The following CTNND1 variants were observed in gnomAD, a reference collection of about 807,000 sequenced individuals.
CTNND1 encodes the protein catenin delta-1.
Under a neutral mutation model 112.1 loss-of-function variants are expected in CTNND1, and 16 were observed. That is an observed-to-expected ratio of 0.14 (90% CI 0.10 to 0.22). The LOEUF (loss-of-function observed/expected upper bound fraction) is 0.22, where lower values mean the gene tolerates loss of function less well. Among genes scored for constraint, CTNND1 ranks in the 10% least tolerant of loss-of-function variants. The pLI is 1.00. For synonymous variants in CTNND1, 420 were observed against 446.5 expected, an observed-to-expected ratio of 0.94 and a Z score of 0.75; for missense variants, 1,008 against 1,257.0, an observed-to-expected ratio of 0.80 and a Z score of 3.00.
intron 16 of CTNND1, among the ~76,000 whole-genome samples, chr11:57,811,040 AGGTATC>A: frequency 6.6e-6 from 1 of 152,162 alleles, no homozygotes; most frequent in South Asian, 2.1e-4. Context: ...GACACAGCTC[AGGTATC>A]CCTCTATGTC....
At chr11:57,762,673 G>A (rs976107133) in intron 1 of CTNND1, among the ~76,000 whole-genome samples, 2 of 152,122 alleles carry the variant, frequency 1.3e-5, no homozygotes, top group Non-Finnish European at 2.9e-5. Flanking sequence ...TCCAGGTGCG[G>A]TGGGTGGGAG....
At chr11:57,772,103 T>C (rs1022687102) in intron 1 of CTNND1, among the ~76,000 whole-genome samples, 1 of 150,992 alleles carries the variant, frequency 6.6e-6, no homozygotes, top group African/African-American at 2.4e-5. Context: ...TGTATTTTTT[T>C]TTTTTTTTTG....
At chr11:57,785,835 C>T (rs1206021670) in intron 1 of CTNND1, among the ~76,000 whole-genome samples, 16 of 152,036 alleles carry the variant, frequency 1.1e-4, no homozygotes, top group Non-Finnish European at 2.9e-5. Flanking sequence ...GCTTGAGCCA[C>T]CACGCCCGGC....
intron 1 of CTNND1, among the ~76,000 whole-genome samples, chr11:57,778,923 G>A (rs1238466934): frequency 6.6e-6 from 1 of 152,328 alleles, no homozygotes; most frequent in East Asian, 1.9e-4. Flanking sequence ...TAGCTACTCC[G>A]AGGGATTAGA....
chr11:57,781,180 AC>A (rs1321892515), intron 1 of CTNND1, among the ~76,000 whole-genome samples: 5 of 151,638 alleles, frequency 3.3e-5, no homozygotes, highest in African/African-American at 1.2e-4. Flanking sequence ...CTGGTGATCC[AC>A]CCGCCTCAGC....
At chr11:57,787,089 G>T (rs1024180275) in intron 1 of CTNND1, among the ~76,000 whole-genome samples, 1 of 152,188 alleles carries the variant, frequency 6.6e-6, no homozygotes, top group Non-Finnish European at 1.5e-5. Context: ...CTTCCTTAGG[G>T]TTGTTGTAAG....
At chr11:57,790,552 GT>G (rs150149378) in intron 2 of CTNND1, among the ~76,000 whole-genome samples, 6,837 of 59,698 alleles carry the variant, frequency 0.11, 115 homozygotes, top group Non-Finnish European at 0.14. Flanking sequence ...CTGTGTGTGT[GT>G]TTTTTTTTTT....
rs765812783 is a variant in CTNND1, at chr11:57,801,813, G to T, written c.1037G>T (p.Ser346Ile). 1 of 1,614,014 alleles carries T rather than the reference G, an allele frequency of 6.2e-7. No homozygotes were observed. The highest frequency in any genetic ancestry group is 1.1e-5 in the South Asian group (1 of 91,090). ...CCTTTGGCCCAGCATGAGCGAGGAA[G>T]TTTAGCAAGCTTGGATAGCCTGCGC... ...WAPLAQHERG[S>I]LASLDSLRKG... Residue 346 changes from serine to isoleucine, a missense_variant, in exon 7 of 21, where the codon AGT (serine) becomes ATT (isoleucine). By Grantham distance (142) the Ser-to-Ile change is moderately radical. Transcript: ENST00000399050.
intron 3 of CTNND1, among the ~76,000 whole-genome samples, chr11:57,792,153 G>A (rs2060817085): frequency 6.6e-6 from 1 of 152,142 alleles, no homozygotes; most frequent in Admixed American, 6.6e-5. Context: ...TATTGTCCTT[G>A]TGTGCTCTTT....
At chr11:57,781,276 A>C (rs1281416843) in intron 1 of CTNND1, among the ~76,000 whole-genome samples, 1 of 152,176 alleles carries the variant, frequency 6.6e-6, no homozygotes, top group Non-Finnish European at 1.5e-5. Flanking sequence ...GAGCTCAAAC[A>C]GTTGGGTGAC....
At chr11:57,790,468 C>CCCTGATTTG (rs71470293) in intron 2 of CTNND1, among the ~76,000 whole-genome samples, 1 of 147,864 alleles carries the variant, frequency 6.8e-6, no homozygotes, top group Non-Finnish European at 1.5e-5. Context: ...ACTGCAACCT[C>CCCTGATTTG]CGCTATTCTC....
intron 1 of CTNND1, among the ~76,000 whole-genome samples, chr11:57,771,370 T>C (rs972235045): frequency 1.3e-5 from 2 of 151,984 alleles, no homozygotes; most frequent in African/African-American, 4.8e-5. Context: ...AAAAGTAAAG[T>C]AGAATGAGTA....
At chr11:57,778,132 CCT>C (rs1038537922) in intron 1 of CTNND1, among the ~76,000 whole-genome samples, 12 of 152,092 alleles carry the variant, frequency 7.9e-5, no homozygotes, top group Middle Eastern at 3.4e-3. Flanking sequence ...TAGTGGTTGT[CCT>C]CTCATTCTCT....
intron 18 of CTNND1, among the ~76,000 whole-genome samples, chr11:57,814,870 G>A (rs1347163189): frequency 2.6e-5 from 4 of 151,922 alleles, no homozygotes; most frequent in African/African-American, 9.7e-5. Context: ...TATTTCACTC[G>A]CTCTTCTTTT....
intron 4 of CTNND1, among the ~76,000 whole-genome samples, chr11:57,794,993 G>A (rs1017155836): frequency 6.6e-6 from 1 of 151,576 alleles, no homozygotes; most frequent in Non-Finnish European, 1.5e-5. Flanking sequence ...GAGCCCAGGA[G>A]TTCAAGACCA....
chr11:57,770,198 C>T lies in CTNND1; in HGVS notation c.-214+8079C>T, dbSNP rs60449955. Among the ~76,000 whole-genome samples the T allele has an allele frequency of 8.1e-3, 1,225 of 151,916 alleles. 3 individuals are homozygous for T. The highest frequency in any genetic ancestry group is 0.011 in the Non-Finnish European group (760 of 67,948). ...TACAAAAATTAGCCGGGCGTGGTGG[C>T]GGGCGCCTGTAATCCCAGCTACTCG... On this transcript the variant is annotated intron_variant, in intron 1 of 20. Transcript: ENST00000399050.
intron 12 of CTNND1, among the ~76,000 whole-genome samples, chr11:57,807,945 G>C (rs1160279145): frequency 6.6e-6 from 1 of 152,110 alleles, no homozygotes; most frequent in Non-Finnish European, 1.5e-5. Context: ...TGAGTATAAT[G>C]AGTTGATATT....
chr11:57,769,407 C>T (rs1952002557), intron 1 of CTNND1, among the ~76,000 whole-genome samples: 1 of 152,192 alleles, frequency 6.6e-6, no homozygotes, highest in Non-Finnish European at 1.5e-5. Context: ...ACTTCAGCCC[C>T]TGGAGTAGCT....
intron 1 of CTNND1, among the ~76,000 whole-genome samples, chr11:57,767,779 A>T (rs959452216): frequency 2.6e-5 from 4 of 152,016 alleles, no homozygotes; most frequent in African/African-American, 4.8e-5. Flanking sequence ...GTTTGCTATT[A>T]GAATGGATGC....
Sources: allele counts gnomAD v4.1 joint callset (sites outside exome capture counted in the v4.1 genomes callset), GRCh38; gene constraint gnomAD v4.1.1; transcripts MANE v1.5; gene names NCBI Gene and HGNC (gene_info 2026-07-23, HGNC 2026-07-21).